Variants in JAKMIP3 observed in about 807,000 individuals in gnomAD.
JAKMIP3 encodes janus kinase and microtubule-interacting protein 3.
JAKMIP3 carries 58 observed loss-of-function variants against 118.5 expected under a neutral mutation model. The observed-to-expected ratio is 0.49, with a 90% CI of 0.40 to 0.61. JAKMIP3 has a LOEUF of 0.61. Among genes scored for constraint, JAKMIP3 ranks in the 20% least tolerant of loss-of-function variants. The probability of loss-of-function intolerance (pLI) is 0.00; values close to 1 mark genes in which losing one functional copy is unlikely to be tolerated. For synonymous variants in JAKMIP3, 486 were observed against 451.2 expected, an observed-to-expected ratio of 1.08 and a Z score of -0.98; for missense variants, 950 against 1,109.0, an observed-to-expected ratio of 0.86 and a Z score of 2.04.
intron 3 of JAKMIP3, among the ~76,000 whole-genome samples, chr10:132,125,285 C>T (rs1299336920): frequency 6.6e-6 from 1 of 152,258 alleles, no homozygotes; most frequent in Admixed American, 6.5e-5. Context: ...TCCCTGCTTG[C>T]TGTGTGGATA....
At chr10:132,167,919 G>A (rs899954088) in intron 22 of JAKMIP3, 34 bp from the exon 23 acceptor site, 9 of 1,281,146 alleles carry the variant, frequency 7.0e-6, no homozygotes, top group African/African-American at 1.5e-5. Flanking sequence ...GCGGAGCCTC[G>A]CTGACTCTGC....
chr10:132,135,861 C>G, intron 5 of JAKMIP3, 69 bp from the exon 6 acceptor site: 3 of 1,515,022 alleles, frequency 2.0e-6, no homozygotes, highest in Non-Finnish European at 2.7e-6. Context: ...GTCAGTCAGC[C>G]GACTCTGCGT....
At chr10:132,103,655 T>C (rs1416455093) in intron 1 of JAKMIP3, among the ~76,000 whole-genome samples, 1 of 152,088 alleles carries the variant, frequency 6.6e-6, no homozygotes, top group Non-Finnish European at 1.5e-5. Flanking sequence ...GAGGACTTGC[T>C]GTGACCAGTG....
In JAKMIP3 at chr10:132,152,955, C is replaced by T. The variant is rs773253312; in HGVS notation, c.2008-3C>T. 2 of 1,602,918 alleles carry T rather than the reference C, an allele frequency of 1.2e-6. No individual in the cohort carries two copies. The highest frequency in any genetic ancestry group is 1.7e-5 in the Admixed American group (1 of 58,576). Reference sequence around the variant, plus strand: ...CGCACCTGTGTTCTGCTTTTGGGTGCAGAACCTGACCAATGAGGAGCAGGT... The same window carrying T: ...CGCACCTGTGTTCTGCTTTTGGGTGTAGAACCTGACCAATGAGGAGCAGGT... On this transcript the variant is annotated splice_region_variant and splice_polypyrimidine_tract_variant and intron_variant, in intron 16 of 23. Coordinates refer to ENST00000684848, the MANE Select transcript of JAKMIP3 (RefSeq NM_001323087.2).
chr10:132,126,339 G>A (rs1193985241), intron 3 of JAKMIP3, among the ~76,000 whole-genome samples: 5 of 147,196 alleles, frequency 3.4e-5, no homozygotes, highest in African/African-American at 1.3e-4. Flanking sequence ...GTCTCGCTCT[G>A]TCACCCAGGC....
chr10:132,088,912 A>C (rs1201068479), intron 1 of JAKMIP3, among the ~76,000 whole-genome samples: 3 of 152,222 alleles, frequency 2.0e-5, no homozygotes, highest in Non-Finnish European at 2.9e-5. Flanking sequence ...ATCCAGTTTC[A>C]GCTTTCCACA....
At chr10:132,170,164 G>A (rs1009210630) in intron 23 of JAKMIP3, 4 of 152,224 alleles carry the variant, frequency 2.6e-5, no homozygotes, top group South Asian at 2.1e-4. Flanking sequence ...CATGGCTGCC[G>A]AGTCCCCAGA....
At position 132,133,611 on chromosome 10, in the gene JAKMIP3, C is replaced by T. The variant is rs975027682; in HGVS notation, c.849+84C>T. The stretch of plus-strand genomic sequence containing the variant: ...GCTGCATGGCCCTGCATGGGCCACT[C>T]CCCCAGGAGACCAGAGCCCGAGTTG... On this transcript the variant is annotated intron_variant, in intron 4 of 23. Transcript: ENST00000684848. 2.2e-5 allele frequency: 28 copies of T among 1,282,512 alleles called. No homozygotes were observed. The Middle Eastern group carries it at 7.8e-4, about 36-fold the overall frequency. The allele number at this position is 1,282,512 out of a possible 1,614,324, so 79.4% of individuals were successfully genotyped here.
chr10:132,131,889 C>T (rs2050707524), intron 3 of JAKMIP3, among the ~76,000 whole-genome samples: 1 of 152,164 alleles, frequency 6.6e-6, no homozygotes, highest in Non-Finnish European at 1.5e-5. Flanking sequence ...GGGTGCGGCG[C>T]CTGCACAGGC....
intron 1 of JAKMIP3, among the ~76,000 whole-genome samples, chr10:132,067,634 C>T: frequency 6.8e-6 from 1 of 147,930 alleles, no homozygotes; most frequent in African/African-American, 2.5e-5. Flanking sequence ...CTGTGGGCTT[C>T]CGTGTGGACT....
chr10:132,160,084 GGTCTCTTCCTGTGTGATGCAGGCGGT>G (rs2057903727), intron 19 of JAKMIP3, among the ~76,000 whole-genome samples: 2 of 3,700 alleles, frequency 5.4e-4, no homozygotes. Flanking sequence ...ATGCTGGGGG[GGTCTCTTCCTGTGTGATGCAGGCGGT>G]GGCCTCTTCC....
At chr10:132,089,447 G>C (rs2134379095) in intron 1 of JAKMIP3, among the ~76,000 whole-genome samples, 1 of 152,200 alleles carries the variant, frequency 6.6e-6, no homozygotes, top group South Asian at 2.1e-4. Context: ...TGGATTCCTA[G>C]GTATTTTATT....
rs779286840 is a variant in JAKMIP3, at chr10:132,117,124, C to T, written c.183C>T (p.Arg61=). The change falls in exon 3 of 24, where the codon CGC becomes CGT. Residue 61 remains arginine (R), a synonymous_variant. Transcript: ENST00000684848. The surrounding 1 kb of genome is among the most constrained non-coding windows in gnomAD (Gnocchi z 8.6). ...AGAACCAGGAGCTGCGGCAGGTGCGCGAGCATGAGCAGCATAAGACCGCGG... is the reference window on the plus strand; with the variant it reads ...AGAACCAGGAGCTGCGGCAGGTGCGTGAGCATGAGCAGCATAAGACCGCGG... The part of the protein sequence containing the change: ...REKNQELRQV[R]EHEQHKTAVL... The T allele has an allele frequency of 1.6e-5, 25 of 1,612,844 alleles. No homozygotes were observed. Among genetic ancestry groups the T allele is most frequent in the East Asian group, 8.9e-5 (4 of 44,890 alleles).
chr10:132,143,143 G>A (rs186602874), intron 11 of JAKMIP3, among the ~76,000 whole-genome samples: 5 of 143,808 alleles, frequency 3.5e-5, no homozygotes, highest in Non-Finnish European at 6.0e-5. Flanking sequence ...GTCCTGAGTC[G>A]GGGTGGGGGG....
At position 132,163,404 on chromosome 10, in the gene JAKMIP3, G is replaced by T. The variant is rs199693255; in HGVS notation, c.2416G>T (p.Ala806Ser). 1.4e-5 allele frequency: 23 copies of T among 1,598,816 alleles called. No individual in the cohort carries two copies. The East Asian group carries it at 4.7e-4, about 33-fold the overall frequency. Residue 806 changes from alanine (A) to serine (S), a missense_variant, in exon 20 of 24, where the codon GCT becomes TCT. Transcript: ENST00000684848. The stretch of plus-strand genomic sequence containing the variant: ...GGAGCGCATGGAGCTGCTGCAGCTG[G>T]CTCAGCAGGTGTGTGGCAGGCGGGG... The part of the protein sequence containing the change: ...LRERMELLQL[A>S]QQRIKELEER...
rs1024764787 is a variant in JAKMIP3 at position 132,112,055 on chromosome 10, G to A, written c.136-5022G>A. 1.3e-5 allele frequency among the ~76,000 whole-genome samples: 2 copies of A among 151,848 alleles called. No homozygotes were observed. Among genetic ancestry groups the A allele is most frequent in the African/African-American group, 2.4e-5 (1 of 41,374 alleles). ...GCGGGGGTAGAGCGTGCGGGTGGAC[G>A]GTGCATGGGATGCTCCAGGCTTGGG... On this transcript the variant is annotated intron_variant, in intron 2 of 23. Coordinates refer to ENST00000684848, the MANE Select transcript of JAKMIP3 (RefSeq NM_001323087.2). The surrounding 1 kb of genome is among the most constrained non-coding windows in gnomAD (Gnocchi z 4.3).
In JAKMIP3 at chr10:132,168,377, A is replaced by C; in HGVS notation, c.*447A>C. 7.8e-7 allele frequency: 1 copy of C among 1,289,530 alleles called. No homozygotes were observed. Among genetic ancestry groups the C allele is most frequent in the Non-Finnish European group, 1.0e-6 (1 of 988,800 alleles). 79.9% of individuals were successfully genotyped at this position (1,289,530 alleles called of 1,614,324 possible). On this transcript the variant is annotated 3_prime_UTR_variant, in exon 23 of 24. Coordinates refer to ENST00000684848, the MANE Select transcript of JAKMIP3 (RefSeq NM_001323087.2). ...GTCTGGAGGAAGATTTTCAGAAACAACAGAGGCTTGGCCTGATGACAAGAT... is the reference window on the plus strand; with the variant it reads ...GTCTGGAGGAAGATTTTCAGAAACACCAGAGGCTTGGCCTGATGACAAGAT...
rs532242420 is a variant in JAKMIP3, at chr10:132,118,444, C to T, written c.633+870C>T. On this transcript the variant is annotated intron_variant, in intron 3 of 23. Transcript: ENST00000684848. This position sits in a 1 kb window ranked among gnomAD's most constrained non-coding sequence, Gnocchi z 4.8. Reference sequence around the variant, plus strand: ...TGTGCCTCTTCAGGACCCGGAGCCCCGGGCACCTTGGGTGGGATGCAGTGG... The same window carrying T: ...TGTGCCTCTTCAGGACCCGGAGCCCTGGGCACCTTGGGTGGGATGCAGTGG... Among the ~76,000 whole-genome samples, 40 of 152,282 alleles carry T rather than the reference C, an allele frequency of 2.6e-4. No individual in the cohort carries two copies. The South Asian group carries it at 5.0e-3, about 19-fold the overall frequency.
At chr10:132,151,368 C>A (rs2056169506) in intron 16 of JAKMIP3, among the ~76,000 whole-genome samples, 1 of 152,366 alleles carries the variant, frequency 6.6e-6, no homozygotes, top group African/African-American at 2.4e-5. Flanking sequence ...CAGTGCTCTG[C>A]ATCCGAGGAC....
Sources: gnomAD v4.1 joint callset for allele counts (sites outside exome capture counted in the v4.1 genomes callset) on GRCh38, gnomAD v4.1.1 for gene constraint, Gnocchi (gnomAD v3.1) non-coding constraint, MANE v1.5 for transcripts, NCBI Gene and HGNC (gene_info 2026-07-23, HGNC 2026-07-21) for gene names.